HDAC1: variants seen among roughly 807,000 people sequenced by gnomAD.
HDAC1 encodes protein deacetylase HDAC1.
In HDAC1, 18 loss-of-function variants were observed where a neutral mutation model predicts 65.5. That is an observed-to-expected ratio of 0.27 (90% CI 0.19 to 0.41). HDAC1 has a LOEUF of 0.41. HDAC1 is among the 10% of genes least tolerant of loss of function. HDAC1 has a pLI of 1.00. For synonymous variants in HDAC1, 211 were observed against 227.9 expected, an observed-to-expected ratio of 0.93 and a Z score of 0.67; for missense variants, 373 against 625.2, an observed-to-expected ratio of 0.60 and a Z score of 4.30.
intron 1 of HDAC1, among the ~76,000 whole-genome samples, chr1:32,297,095 C>T (rs1640777159): frequency 6.6e-6 from 1 of 152,034 alleles, no homozygotes; most frequent in African/African-American, 2.4e-5. Flanking sequence ...ATTTAAATAG[C>T]TTTTGCAAAA....
chr1:32,328,945 C>G, intron 6 of HDAC1, 123 bp from the exon 7 acceptor site: 1 of 732,830 alleles, frequency 1.4e-6, no homozygotes, highest in South Asian at 1.5e-5. Flanking sequence ...CTGTTCTGTC[C>G]TGGCCCACAT....
chr1:32,323,825 T>C (rs1641181372), intron 3 of HDAC1, among the ~76,000 whole-genome samples: 1 of 152,154 alleles, frequency 6.6e-6, no homozygotes, highest in African/African-American at 2.4e-5. Context: ...GAACGATAGT[T>C]CTCTGGGTCT....
intron 2 of HDAC1, among the ~76,000 whole-genome samples, chr1:32,313,403 T>G (rs1186098094): frequency 6.6e-6 from 1 of 152,108 alleles, no homozygotes; most frequent in Non-Finnish European, 1.5e-5. Flanking sequence ...CCCCGATAAT[T>G]ATTTTAAAAA....
chr1:32,294,818 C>CT lies in HDAC1; in HGVS notation c.49+2617dup, dbSNP rs76948947. Among the ~76,000 whole-genome samples, 327 of 139,128 alleles carry CT rather than the reference C, an allele frequency of 2.4e-3. 1 individual carries two copies. The highest frequency in any genetic ancestry group is 2.0e-3 in the African/African-American group (76 of 38,386). The allele number at this position is 139,128 out of a possible 152,430, so 91.3% of individuals were successfully genotyped here. A position where few individuals can be genotyped will look rare whatever the true frequency, so the allele number is the denominator to read the frequency against. ...TGTGAGCCACCGCACCCGGCCCCAA[C>CT]TTTTTTTTTTTTTTTTTAAACTTCT... On this transcript the variant is annotated intron_variant, in intron 1 of 13. Coordinates refer to ENST00000373548, the MANE Select transcript of HDAC1 (RefSeq NM_004964.3).
In HDAC1 at chr1:32,311,998, T is replaced by C. The variant is rs573063183; in HGVS notation, c.163-4667T>C. 2.0e-5 allele frequency among the ~76,000 whole-genome samples: 3 copies of C among 152,314 alleles called. No individual in the cohort carries two copies. The South Asian group carries it at 6.2e-4, about 32-fold the overall frequency. On this transcript the variant is annotated intron_variant, in intron 2 of 13. Coordinates refer to ENST00000373548, the MANE Select transcript of HDAC1 (RefSeq NM_004964.3). Reference sequence around the variant, plus strand: ...GTATTTGGAGCTAAGTCTTTTTTCTTTCACTGTGGGTGTTTTGGTTTGCCT... The same window carrying C: ...GTATTTGGAGCTAAGTCTTTTTTCTCTCACTGTGGGTGTTTTGGTTTGCCT...
chr1:32,316,831 C>A, intron 3 of HDAC1, 49 bp downstream of exon 3: 3 of 1,159,046 alleles, frequency 2.6e-6, no homozygotes, highest in Non-Finnish European at 3.9e-6. Context: ...GTTGCATCTC[C>A]CTTTCCACTG....
chr1:32,309,086 A>G (rs1487232548), intron 2 of HDAC1, among the ~76,000 whole-genome samples: 1 of 152,092 alleles, frequency 6.6e-6, no homozygotes, highest in Admixed American at 6.5e-5. Flanking sequence ...CGTTAGGATT[A>G]TAGGCATGAG....
chr1:32,305,802 G>A (rs1640903365), intron 2 of HDAC1, among the ~76,000 whole-genome samples: 1 of 152,062 alleles, frequency 6.6e-6, no homozygotes, highest in African/African-American at 2.4e-5. Flanking sequence ...TAGAGATGGG[G>A]TTTTGCTGTG....
In HDAC1 at chr1:32,327,086, G is replaced by A. The variant is rs567648697; in HGVS notation, c.494+9G>A. Reference sequence around the variant, plus strand: ...ATCCTGGAACTGCTAAAGTATGCCTGCCTGGCCTTGTCTCTTGGAAGAGCA... The same window carrying A: ...ATCCTGGAACTGCTAAAGTATGCCTACCTGGCCTTGTCTCTTGGAAGAGCA... On this transcript the variant is annotated intron_variant, in intron 5 of 13. Transcript: ENST00000373548. This position sits in a 1 kb window ranked among gnomAD's most constrained non-coding sequence, Gnocchi z 6.0. 117 of 1,613,720 alleles carry A rather than the reference G, an allele frequency of 7.3e-5. 3 individuals carry two copies. In the South Asian group the frequency reaches 1.2e-3, roughly 17 times the overall value.
chr1:32,316,048 C>T (rs1311539733), intron 2 of HDAC1, among the ~76,000 whole-genome samples: 1 of 151,508 alleles, frequency 6.6e-6, no homozygotes, highest in Non-Finnish European at 1.5e-5. Context: ...TTTGGAAGGC[C>T]GAGGCGGGCG....
intron 3 of HDAC1, among the ~76,000 whole-genome samples, chr1:32,322,299 T>TG (rs1306264298): frequency 6.6e-6 from 1 of 151,526 alleles, no homozygotes; most frequent in Non-Finnish European, 1.5e-5. Context: ...TCTCCTGAGA[T>TG]GGAGTCTCGC....
chr1:32,300,892 G>C (rs992035954), intron 1 of HDAC1, among the ~76,000 whole-genome samples: 3 of 152,150 alleles, frequency 2.0e-5, no homozygotes, highest in Non-Finnish European at 4.4e-5. Flanking sequence ...CAACTAAACT[G>C]CTCAGCTCTG....
chr1:32,306,022 C>T (rs902668570), intron 2 of HDAC1, among the ~76,000 whole-genome samples: 14 of 152,088 alleles, frequency 9.2e-5, no homozygotes, highest in African/African-American at 1.4e-4. Flanking sequence ...GCTCTCTGTT[C>T]GGTTGACTTG....
intron 3 of HDAC1, among the ~76,000 whole-genome samples, chr1:32,319,283 C>T (rs377028937): frequency 1.3e-5 from 2 of 152,058 alleles, no homozygotes; most frequent in South Asian, 2.1e-4. Flanking sequence ...TTGGATTTTT[C>T]TGTCATCAGA....
chr1:32,295,257 TA>T (rs1012054364), intron 1 of HDAC1, among the ~76,000 whole-genome samples: 3 of 151,772 alleles, frequency 2.0e-5, no homozygotes, highest in Non-Finnish European at 1.5e-5. Flanking sequence ...CTACAAAAAG[TA>T]AAAAAATTAG....
Position 32,329,024 on chromosome 1 carries a change from CA to C in HDAC1, c.637-42del. 1.7e-6 allele frequency: 2 copies of C among 1,208,490 alleles called. No individual in the cohort carries two copies. Among genetic ancestry groups the C allele is most frequent in the Non-Finnish European group, 2.5e-6 (2 of 810,650 alleles). 74.9% of individuals were successfully genotyped at this position (1,208,490 alleles called of 1,614,324 possible). On this transcript the variant is annotated intron_variant, in intron 6 of 13. Transcript: ENST00000373548. The surrounding 1 kb of genome is among the most constrained non-coding windows in gnomAD (Gnocchi z 4.1). ...CCAGCCCCTATCCTTGACCTTCCTT[CA>C]AGCTTCATCCTTCAGTTTTACTTTA... is the stretch of plus-strand genomic sequence containing the variant.
At chr1:32,328,858 C>T (rs997006628) in intron 6 of HDAC1, among the ~76,000 whole-genome samples, 14 of 151,992 alleles carry the variant, frequency 9.2e-5, no homozygotes, top group African/African-American at 3.4e-4. Context: ...TGGGGGTAGG[C>T]TTAATGCTAT....
intron 3 of HDAC1, among the ~76,000 whole-genome samples, chr1:32,321,547 A>G (rs1387558404): frequency 2.0e-5 from 3 of 152,124 alleles, no homozygotes; most frequent in Non-Finnish European, 4.4e-5. Flanking sequence ...AGAATGAGAA[A>G]AGCGTTTATA....
Position 32,330,521 on chromosome 1 carries a change from C to T in HDAC1, c.730-57C>T. 2 of 1,257,026 alleles carry T rather than the reference C, an allele frequency of 1.6e-6. No homozygotes were observed. The highest frequency in any genetic ancestry group is 4.6e-5 in the East Asian group (2 of 43,152). 77.9% of individuals were successfully genotyped at this position (1,257,026 alleles called of 1,614,324 possible). A position where few individuals can be genotyped will look rare whatever the true frequency, so the allele number is the denominator to read the frequency against. ...GAAAGTGTTGCACCCAGCCTTTCCA[C>T]TCCAAACCTCGTATTGCTTTCTTGA... is the stretch of plus-strand genomic sequence containing the variant. On this transcript the variant is annotated intron_variant, in intron 7 of 13. Transcript: ENST00000373548. The surrounding 1 kb of genome is among the most constrained non-coding windows in gnomAD (Gnocchi z 4.2).
Sources: allele counts gnomAD v4.1 joint callset (sites outside exome capture counted in the v4.1 genomes callset), GRCh38; gene constraint gnomAD v4.1.1; non-coding constraint Gnocchi (gnomAD v3.1); transcripts MANE v1.5; gene names NCBI Gene and HGNC (gene_info 2026-07-23, HGNC 2026-07-21).